EPHA6: variants seen among roughly 807,000 people sequenced by gnomAD.
EPHA6 encodes the protein ephrin type-A receptor 6.
Under a neutral mutation model 112.0 loss-of-function variants are expected in EPHA6, and 50 were observed. That is an observed-to-expected ratio of 0.45 (90% CI 0.36 to 0.56). EPHA6 has a LOEUF of 0.56. EPHA6 is among the 20% of genes least tolerant of loss of function. The pLI is 0.00. For missense variants in EPHA6, 1,280 were observed against 1,417.4 expected (o/e 0.90, Z 1.56); for synonymous variants, 529 against 490.7 (o/e 1.08, Z -1.03).
At chr3:97,061,707 A>G (rs1342725425) in intron 3 of EPHA6, among the ~76,000 whole-genome samples, 1 of 152,188 alleles carries the variant, frequency 6.6e-6, no homozygotes, top group South Asian at 2.1e-4. Context: ...CACTTAAACA[A>G]TGATGCCCTG....
intron 11 of EPHA6, chr3:97,590,121 G>C (rs1184183384): frequency 6.6e-6 from 1 of 152,074 alleles, no homozygotes; most frequent in Non-Finnish European, 1.5e-5. Flanking sequence ...TGACCTTAAG[G>C]AGAAAAATGA....
chr3:97,232,029 A>G (rs916592543), intron 4 of EPHA6, among the ~76,000 whole-genome samples: 10 of 152,142 alleles, frequency 6.6e-5, no homozygotes, highest in Non-Finnish European at 1.5e-4. Context: ...GGTCAGAGAG[A>G]GATTTTGGTT....
intron 3 of EPHA6, among the ~76,000 whole-genome samples, chr3:97,054,167 C>T (rs865918493): frequency 2.5e-4 from 30 of 117,742 alleles, no homozygotes; most frequent in African/African-American, 1.1e-3. Flanking sequence ...CTATCTAACA[C>T]ACACACACAC....
chr3:97,570,172 A>G (rs1158185390), intron 11 of EPHA6, among the ~76,000 whole-genome samples: 1 of 152,242 alleles, frequency 6.6e-6, no homozygotes, highest in Non-Finnish European at 1.5e-5. Flanking sequence ...AATAAAAATA[A>G]TTAAAATAAA....
At chr3:97,339,308 C>G (rs771928869) in intron 5 of EPHA6, among the ~76,000 whole-genome samples, 10 of 152,188 alleles carry the variant, frequency 6.6e-5, no homozygotes, top group Non-Finnish European at 1.3e-4. Context: ...TGAACCTATA[C>G]AAAATCCAGC....
chr3:97,314,750 A>G (rs532144784), intron 5 of EPHA6, among the ~76,000 whole-genome samples: 1 of 151,728 alleles, frequency 6.6e-6, no homozygotes, highest in Non-Finnish European at 1.5e-5. Context: ...AGGAAGGAAG[A>G]TAGAAGTTAA....
At chr3:97,726,991 T>G (rs1171020971) in intron 15 of EPHA6, among the ~76,000 whole-genome samples, 1 of 152,064 alleles carries the variant, frequency 6.6e-6, no homozygotes, top group East Asian at 1.9e-4. Context: ...TTCGTTTTGT[T>G]TCTTTCCCCT....
rs745523861 is a variant in EPHA6, at chr3:97,633,171, T to G, written c.2575-4702T>G. On this transcript the variant is annotated intron_variant, in intron 13 of 17. Transcript: ENST00000389672. ...GAGAGTCTGATGGAGCTCTGCAGCT[T>G]TTAGAAACAGCAGGCATTATTATAT... Among the ~76,000 whole-genome samples the G allele has an allele frequency of 8.2e-4, 125 of 152,032 alleles. 1 individual carries two copies. Among genetic ancestry groups the G allele is most frequent in the Non-Finnish European group, 2.2e-4 (15 of 67,992 alleles).
At chr3:97,388,280 A>G (rs2086189401) in intron 5 of EPHA6, among the ~76,000 whole-genome samples, 1 of 152,136 alleles carries the variant, frequency 6.6e-6, no homozygotes, top group South Asian at 2.1e-4. Context: ...AACCATGCTT[A>G]TTGCATTAAA....
intron 5 of EPHA6, among the ~76,000 whole-genome samples, chr3:97,389,108 A>G (rs1234112730): frequency 6.6e-6 from 1 of 152,196 alleles, no homozygotes; most frequent in African/African-American, 2.4e-5. Context: ...AGACAAATTC[A>G]TACAAATTAG....
chr3:97,671,292 C>T (rs941792604), intron 14 of EPHA6, among the ~76,000 whole-genome samples: 2 of 152,126 alleles, frequency 1.3e-5, no homozygotes. Flanking sequence ...TCCTCTCTCT[C>T]TCTTAATTCT....
chr3:97,093,186 C>G (rs561771480), intron 3 of EPHA6, among the ~76,000 whole-genome samples: 14 of 152,256 alleles, frequency 9.2e-5, no homozygotes, highest in African/African-American at 3.1e-4. Context: ...TGGTGGATAT[C>G]TAGCCATCTT....
At chr3:97,666,036 G>C (rs1198038136) in intron 14 of EPHA6, among the ~76,000 whole-genome samples, 1 of 149,020 alleles carries the variant, frequency 6.7e-6, no homozygotes, top group Non-Finnish European at 1.5e-5. Context: ...CAGCTGGGGA[G>C]ACAGTGTGAG....
chr3:97,207,258 C>A (rs866718209), intron 3 of EPHA6, among the ~76,000 whole-genome samples: 19 of 152,052 alleles, frequency 1.2e-4, no homozygotes, highest in Admixed American at 2.6e-4. Context: ...TATCAAGGGT[C>A]ACTTATTTAT....
chr3:97,301,223 T>C (rs6768041), intron 5 of EPHA6, among the ~76,000 whole-genome samples: 11,901 of 152,166 alleles, frequency 0.078, 896 homozygotes, highest in Admixed American at 0.21. Context: ...TAACTTCAAA[T>C]ATTTTCCATT....
At chr3:97,728,079 T>G (rs2034860451) in intron 15 of EPHA6, among the ~76,000 whole-genome samples, 1 of 133,688 alleles carries the variant, frequency 7.5e-6, no homozygotes, top group Non-Finnish European at 1.6e-5. Context: ...GAACTTATGA[T>G]TTTTATTCAT....
intron 3 of EPHA6, among the ~76,000 whole-genome samples, chr3:97,186,939 G>A (rs1343728940): frequency 2.0e-5 from 3 of 151,952 alleles, no homozygotes; most frequent in Non-Finnish European, 2.9e-5. Context: ...CATTTTTCCA[G>A]CTCTAATAAT....
At chr3:97,212,594 CA>C (rs1403902936) in intron 3 of EPHA6, among the ~76,000 whole-genome samples, 2 of 152,162 alleles carry the variant, frequency 1.3e-5, no homozygotes, top group African/African-American at 2.4e-5. Flanking sequence ...TCACTACCCT[CA>C]GACTACTAAA....
chr3:96,879,279 A>G (rs1264059984), intron 2 of EPHA6, among the ~76,000 whole-genome samples: 1 of 152,110 alleles, frequency 6.6e-6, no homozygotes, highest in East Asian at 1.9e-4. Flanking sequence ...AGATCAATAT[A>G]TGAATTCAAA....
Sources: gnomAD v4.1 joint callset for allele counts (sites outside exome capture counted in the v4.1 genomes callset) on GRCh38, gnomAD v4.1.1 for gene constraint, MANE v1.5 for transcripts, NCBI Gene and HGNC (gene_info 2026-07-23, HGNC 2026-07-21) for gene names.